Variants in ATP10B observed in about 807,000 individuals in gnomAD.
ATP10B encodes phospholipid-transporting ATPase VB.
In ATP10B, 122 loss-of-function variants were observed where a neutral mutation model predicts 141.2. That is an observed-to-expected ratio of 0.86 (90% CI 0.75 to 1.00). The LOEUF (loss-of-function observed/expected upper bound fraction) is 1.00, where lower values mean the gene tolerates loss of function less well. Among genes scored for constraint, ATP10B ranks in the 50% least tolerant of loss-of-function variants. ATP10B has a pLI of 0.00. For synonymous variants in ATP10B, 685 were observed against 692.0 expected, an observed-to-expected ratio of 0.99 and a Z score of 0.16; for missense variants, 1,876 against 1,825.3, an observed-to-expected ratio of 1.03 and a Z score of -0.51.
intron 2 of ATP10B, among the ~76,000 whole-genome samples, chr5:160,719,478 T>A (rs916774172): frequency 9.2e-5 from 14 of 152,316 alleles, no homozygotes; most frequent in African/African-American, 2.9e-4. Flanking sequence ...AATGCATGAT[T>A]TGTGTTTGTA....
chr5:160,870,903 ATG>A, the ATP10B span, among the ~76,000 whole-genome samples: 16 of 146,464 alleles, frequency 1.1e-4, no homozygotes, highest in Admixed American at 1.0e-3. Flanking sequence ...TCCTCAGAAA[ATG>A]TAAACAATAG....
At chr5:160,926,132 AGATAGTAGGCAT>A in the ATP10B span, among the ~76,000 whole-genome samples, 3 of 152,330 alleles carry the variant, frequency 2.0e-5, no homozygotes, top group Non-Finnish European at 4.4e-5. Context: ...TTCCAAAAAC[AGATAGTAGGCAT>A]GATAGTAGGC....
At chr5:160,917,418 C>T in the ATP10B span, among the ~76,000 whole-genome samples, 1 of 152,120 alleles carries the variant, frequency 6.6e-6, no homozygotes, top group South Asian at 2.1e-4. Flanking sequence ...CACCTCTAAC[C>T]ATGAACAGGC....
rs1237886689 is a variant in ATP10B at position 160,848,425 on chromosome 5, A to G, written c.-576+3516T>C. Among the ~76,000 whole-genome samples, 6 of 152,244 alleles carry G rather than the reference A, an allele frequency of 3.9e-5. No homozygotes were observed. The South Asian group carries it at 8.3e-4, about 21-fold the overall frequency. On this transcript the variant is annotated intron_variant, in intron 1 of 25. Coordinates refer to ENST00000327245, the MANE Select transcript of ATP10B (RefSeq NM_025153.3). ...CAGCTAAGAAAATAGCACAGCTAAT[A>G]AATGGCACAAATGAAATTAAAGCAC...
the ATP10B span, among the ~76,000 whole-genome samples, chr5:160,862,626 A>C: frequency 6.6e-6 from 1 of 151,978 alleles, no homozygotes; most frequent in Non-Finnish European, 1.5e-5. Flanking sequence ...AATTATGTAG[A>C]GCCAATAAGG....
chr5:160,893,746 T>TGGGAGACACCTCCCAGCAGGGGTC, the ATP10B span, among the ~76,000 whole-genome samples: 1 of 152,168 alleles, frequency 6.6e-6, no homozygotes, highest in African/African-American at 2.4e-5. Flanking sequence ...GCCTCCTAAC[T>TGGGAGACACCTCCCAGCAGGGGTC]GGGAGACACC....
intron 2 of ATP10B, among the ~76,000 whole-genome samples, chr5:160,757,634 T>A (rs1581474791): frequency 6.6e-6 from 1 of 152,200 alleles, no homozygotes; most frequent in Non-Finnish European, 1.5e-5. Context: ...AGCCTTTTTT[T>A]AAAATGGAAT....
At chr5:160,580,357 A>C (rs971436382) in intron 24 of ATP10B, among the ~76,000 whole-genome samples, 8 of 152,192 alleles carry the variant, frequency 5.3e-5, no homozygotes, top group Non-Finnish European at 1.5e-5. Context: ...TAATTTATTG[A>C]GAGTTTTTAG....
At chr5:160,627,220 G>C (rs1439174516) in intron 13 of ATP10B, among the ~76,000 whole-genome samples, 1 of 152,148 alleles carries the variant, frequency 6.6e-6, no homozygotes, top group Non-Finnish European at 1.5e-5. Flanking sequence ...TGATGCCCCA[G>C]TATGATATAG....
chr5:160,567,998 T>C (rs1754648068), intron 25 of ATP10B, among the ~76,000 whole-genome samples: 2 of 152,142 alleles, frequency 1.3e-5, no homozygotes, highest in African/African-American at 2.4e-5. Context: ...AGGCTAGATA[T>C]GGGCATGAGT....
At chr5:160,914,572 C>T in the ATP10B span, among the ~76,000 whole-genome samples, 1 of 152,014 alleles carries the variant, frequency 6.6e-6, no homozygotes, top group African/African-American at 2.4e-5. Context: ...ATTTGTATTG[C>T]TGTACTGCTA....
chr5:160,733,610 TCACA>T (rs908960829), intron 2 of ATP10B, among the ~76,000 whole-genome samples: 1 of 151,636 alleles, frequency 6.6e-6, no homozygotes, highest in African/African-American at 2.4e-5. Flanking sequence ...TACATATATG[TCACA>T]CATATATTAC....
chr5:160,759,910 C>T (rs1049092098), intron 2 of ATP10B, among the ~76,000 whole-genome samples: 9 of 152,206 alleles, frequency 5.9e-5, no homozygotes, highest in Non-Finnish European at 1.2e-4. Flanking sequence ...CCAGAATTTG[C>T]TTGTCAATAG....
intron 20 of ATP10B, chr5:160,603,055 T>C (rs1233189696): frequency 1.5e-5 from 3 of 197,470 alleles, no homozygotes; most frequent in Non-Finnish European, 3.2e-5. Context: ...CAATTTACAA[T>C]CCTCTGAACA....
At chr5:160,809,394 A>C (rs543302914) in intron 1 of ATP10B, among the ~76,000 whole-genome samples, 3 of 152,306 alleles carry the variant, frequency 2.0e-5, no homozygotes, top group Admixed American at 2.0e-4. Context: ...CAAGTTTAAA[A>C]AAATTTTTTT....
chr5:160,849,641 A>ACACACACACACT (rs1355241101), intron 1 of ATP10B, among the ~76,000 whole-genome samples: 22 of 151,138 alleles, frequency 1.5e-4, no homozygotes, highest in African/African-American at 4.9e-4. Context: ...ACACACACAC[A>ACACACACACACT]CTCTTTTAAT....
intron 8 of ATP10B, among the ~76,000 whole-genome samples, chr5:160,646,193 A>AT (rs959138338): frequency 2.4e-4 from 37 of 152,172 alleles, no homozygotes; most frequent in African/African-American, 7.7e-4. Context: ...CCCTACTGAG[A>AT]TTTTCACTAC....
At chr5:160,872,145 G>A in the ATP10B span, among the ~76,000 whole-genome samples, 2 of 152,124 alleles carry the variant, frequency 1.3e-5, no homozygotes, top group Non-Finnish European at 2.9e-5. Context: ...GGTTATTAAT[G>A]TTGAGCATTT....
intron 1 of ATP10B, among the ~76,000 whole-genome samples, chr5:160,799,003 G>A (rs569834100): frequency 5.7e-4 from 86 of 152,050 alleles, no homozygotes; most frequent in African/African-American, 1.8e-3. Flanking sequence ...CCACCTGCCC[G>A]GCTTCCCAAA....
Sources: allele counts gnomAD v4.1 joint callset (sites outside exome capture counted in the v4.1 genomes callset), GRCh38; gene constraint gnomAD v4.1.1; transcripts MANE v1.5; gene names NCBI Gene and HGNC (gene_info 2026-07-23, HGNC 2026-07-21).